The following SNX10 variants were observed in gnomAD, a reference collection of about 807,000 sequenced individuals.
SNX10 encodes sorting nexin 10.
Under a neutral mutation model 28.5 loss-of-function variants are expected in SNX10, and 25 were observed. That is an observed-to-expected ratio of 0.88 (90% CI 0.64 to 1.22). SNX10 has a LOEUF of 1.22. Ranked by LOEUF, SNX10 falls within the 50% of genes most tolerant of loss-of-function variation. SNX10 has a pLI of 0.00. For synonymous variants in SNX10, 62 were observed against 81.4 expected (o/e 0.76, Z 1.28); for missense variants, 223 against 242.6 (o/e 0.92, Z 0.54).
chr7:26,343,799 C>T (rs544849782), intron 1 of SNX10, among the ~76,000 whole-genome samples: 2 of 152,208 alleles, frequency 1.3e-5, no homozygotes, highest in Non-Finnish European at 2.9e-5. Flanking sequence ...GCTCCTCCTC[C>T]TGGCCTCCTC....
chr7:26,296,645 A>G (rs1342923109), intron 1 of SNX10, among the ~76,000 whole-genome samples: 1 of 152,208 alleles, frequency 6.6e-6, no homozygotes, highest in Non-Finnish European at 1.5e-5. Flanking sequence ...TACCTGGAAA[A>G]TAGATTTGTA....
At chr7:26,354,843 T>C (rs973389049) in intron 2 of SNX10, among the ~76,000 whole-genome samples, 1 of 152,236 alleles carries the variant, frequency 6.6e-6, no homozygotes. Flanking sequence ...TTGATCACTT[T>C]TTCCTTATGT....
At chr7:26,326,583 G>A (rs939879613) in intron 1 of SNX10, among the ~76,000 whole-genome samples, 1 of 152,152 alleles carries the variant, frequency 6.6e-6, no homozygotes, top group African/African-American at 2.4e-5. Context: ...AGGCTGCCTG[G>A]GTTCAAGTCC....
intron 1 of SNX10, among the ~76,000 whole-genome samples, chr7:26,298,717 G>A (rs1224305612): frequency 6.6e-6 from 1 of 152,206 alleles, no homozygotes; most frequent in African/African-American, 2.4e-5. Flanking sequence ...TAGACTGGGT[G>A]GCTTAAACAA....
At chr7:26,351,529 G>A (rs1433670926) in intron 2 of SNX10, among the ~76,000 whole-genome samples, 2 of 151,906 alleles carry the variant, frequency 1.3e-5, no homozygotes, top group Admixed American at 6.6e-5. Context: ...CTGAGAAGCT[G>A]TCATAGCCAA....
chr7:26,299,426 C>T (rs1446639601), intron 1 of SNX10, among the ~76,000 whole-genome samples: 2 of 151,904 alleles, frequency 1.3e-5, no homozygotes, highest in African/African-American at 4.8e-5. Context: ...CCTTGTGATC[C>T]ACCTGCCTCA....
intron 1 of SNX10, among the ~76,000 whole-genome samples, chr7:26,341,848 C>T (rs10231242): frequency 0.2 from 30,035 of 151,752 alleles, 3,536 homozygotes; most frequent in East Asian, 0.44. Flanking sequence ...TCTATACAAA[C>T]CTAAAATTTT....
At chr7:26,361,893 C>T (rs7782538) in intron 3 of SNX10, among the ~76,000 whole-genome samples, 26,447 of 152,220 alleles carry the variant, frequency 0.17, 2,533 homozygotes, top group South Asian at 0.36. Flanking sequence ...TGCATCTAAA[C>T]CAGATGCATA....
At chr7:26,301,670 A>G (rs547856339) in intron 1 of SNX10, among the ~76,000 whole-genome samples, 3 of 152,332 alleles carry the variant, frequency 2.0e-5, no homozygotes, top group African/African-American at 7.2e-5. Flanking sequence ...TCAACCATGT[A>G]CCACACACTG....
intron 1 of SNX10, among the ~76,000 whole-genome samples, chr7:26,343,024 G>A (rs1356613632): frequency 1.3e-5 from 2 of 152,092 alleles, no homozygotes; most frequent in East Asian, 3.9e-4. Flanking sequence ...TATCCAGGCT[G>A]GTCTTGAACT....
rs185798638 is a variant in SNX10, at chr7:26,326,811, C to A, written c.-23-19609C>A. Among the ~76,000 whole-genome samples the A allele has an allele frequency of 3.6e-3, 544 of 152,178 alleles. 4 individuals are homozygous for A. Among genetic ancestry groups the A allele is most frequent in the Non-Finnish European group, 4.0e-3 (275 of 68,012 alleles). ...GAACTCTTCAGTTTAAGTGATCCTC[C>A]TGCCTCAGCCTCCCAAAGTTCTGGG... On this transcript the variant is annotated intron_variant, in intron 1 of 6. Transcript: ENST00000338523.
chr7:26,321,412 G>C (rs1482431800), intron 1 of SNX10, among the ~76,000 whole-genome samples: 1 of 152,146 alleles, frequency 6.6e-6, no homozygotes, highest in Non-Finnish European at 1.5e-5. Flanking sequence ...AAGTGCATTT[G>C]TTTTCCTTCT....
chr7:26,299,875 A>C (rs1786268845), intron 1 of SNX10, among the ~76,000 whole-genome samples: 1 of 152,142 alleles, frequency 6.6e-6, no homozygotes, highest in African/African-American at 2.4e-5. Flanking sequence ...CAGCCTGGGC[A>C]ACATAGTGAG....
chr7:26,350,900 CTG>C (rs1471528471), intron 2 of SNX10, among the ~76,000 whole-genome samples: 1 of 152,042 alleles, frequency 6.6e-6, no homozygotes, highest in Non-Finnish European at 1.5e-5. Context: ...TGTGAGGACT[CTG>C]ATATTTTTTT....
At chr7:26,359,944 C>T (rs1562817952) in intron 2 of SNX10, among the ~76,000 whole-genome samples, 1 of 152,212 alleles carries the variant, frequency 6.6e-6, no homozygotes, top group African/African-American at 2.4e-5. Context: ...GCGTAAGCCA[C>T]TGCGCCCGGC....
At chr7:26,357,617 C>T (rs181120565) in intron 2 of SNX10, among the ~76,000 whole-genome samples, 37 of 152,028 alleles carry the variant, frequency 2.4e-4, no homozygotes, top group Non-Finnish European at 4.7e-4. Flanking sequence ...GGATATGGGC[C>T]CCGAAATAAA....
At chr7:26,314,491 A>AT (rs1786988962) in intron 1 of SNX10, among the ~76,000 whole-genome samples, 2 of 152,140 alleles carry the variant, frequency 1.3e-5, no homozygotes, top group Non-Finnish European at 2.9e-5. Flanking sequence ...TATTATGACT[A>AT]AGTATAATAT....
At chr7:26,297,734 T>C (rs768878153) in intron 1 of SNX10, among the ~76,000 whole-genome samples, 1 of 152,164 alleles carries the variant, frequency 6.6e-6, no homozygotes, top group Non-Finnish European at 1.5e-5. Flanking sequence ...GTAATATTTT[T>C]AGAAATACAT....
intron 1 of SNX10, among the ~76,000 whole-genome samples, chr7:26,314,029 G>A (rs1322714441): frequency 6.6e-6 from 1 of 151,978 alleles, no homozygotes; most frequent in African/African-American, 2.4e-5. Flanking sequence ...GGCTGATCTC[G>A]AACTCCTGAC....
Sources: allele counts gnomAD v4.1 joint callset (sites outside exome capture counted in the v4.1 genomes callset), GRCh38; gene constraint gnomAD v4.1.1; transcripts MANE v1.5; gene names NCBI Gene and HGNC (gene_info 2026-07-23, HGNC 2026-07-21).